Variants in TAFA4 observed in about 807,000 individuals in gnomAD.
The protein encoded by TAFA4 is TAFA chemokine like family member 4.
Under a neutral mutation model 21.1 loss-of-function variants are expected in TAFA4, and 20 were observed. The ratio of observed to expected loss-of-function variants is 0.95; its 90% CI spans 0.67 to 1.38. The LOEUF is 1.38. Among genes scored for constraint, TAFA4 ranks in the 40% most tolerant of loss-of-function variants. The probability of loss-of-function intolerance (pLI) is 0.00; values close to 1 mark genes in which losing one functional copy is unlikely to be tolerated. For synonymous variants in TAFA4, 71 were observed against 67.4 expected, an observed-to-expected ratio of 1.05 and a Z score of -0.26; for missense variants, 211 against 180.9, an observed-to-expected ratio of 1.17 and a Z score of -0.95.
intron 3 of TAFA4, among the ~76,000 whole-genome samples, chr3:68,805,390 C>G (rs1204556967): frequency 1.3e-5 from 2 of 152,164 alleles, no homozygotes; most frequent in African/African-American, 2.4e-5. Flanking sequence ...GTGGAAGTCA[C>G]TGTGGTGATT....
chr3:68,813,284 C>T (rs1225549740), intron 3 of TAFA4, among the ~76,000 whole-genome samples: 1 of 152,112 alleles, frequency 6.6e-6, no homozygotes, highest in African/African-American at 2.4e-5. Context: ...CAAGAGCAAA[C>T]ACATTCAAAA....
At chr3:68,902,739 T>C (rs1364115215) in intron 1 of TAFA4, among the ~76,000 whole-genome samples, 1 of 152,158 alleles carries the variant, frequency 6.6e-6, no homozygotes, top group Non-Finnish European at 1.5e-5. Flanking sequence ...CATGTTTCCC[T>C]TATATGTATA....
intron 1 of TAFA4, among the ~76,000 whole-genome samples, chr3:68,892,777 C>T (rs186661391): frequency 5.3e-5 from 8 of 152,282 alleles, no homozygotes; most frequent in Admixed American, 1.3e-4. Context: ...GGTCAAACCA[C>T]GCATTTCGTT....
intron 3 of TAFA4, among the ~76,000 whole-genome samples, chr3:68,795,661 G>C (rs547877521): frequency 6.6e-6 from 1 of 152,152 alleles, no homozygotes; most frequent in Non-Finnish European, 1.5e-5. Context: ...AAAATCCAGA[G>C]GAAAGTAGAG....
intron 3 of TAFA4, among the ~76,000 whole-genome samples, chr3:68,777,951 A>G (rs1703079293): frequency 6.6e-6 from 1 of 152,150 alleles, no homozygotes; most frequent in African/African-American, 2.4e-5. Flanking sequence ...TAACTATATG[A>G]TATGTGCACA....
chr3:68,858,221 T>C (rs1227212595), intron 3 of TAFA4, among the ~76,000 whole-genome samples: 2 of 152,158 alleles, frequency 1.3e-5, no homozygotes, highest in Non-Finnish European at 2.9e-5. Context: ...GGCTCACTCA[T>C]GAGCAAATGC....
In TAFA4 at chr3:68,841,217, G is replaced by A. The variant is rs1197670617; in HGVS notation, c.130+39513C>T. ...GCGCGCCTGTAGTCCCAGCTACTTG[G>A]GAGGCTGAGGCAGGAGAATGGCGTG... On this transcript the variant is annotated intron_variant, in intron 3 of 5. Coordinates refer to ENST00000295569, the MANE Select transcript of TAFA4 (RefSeq NM_182522.5). Among the ~76,000 whole-genome samples, 2 of 124,220 alleles carry A rather than the reference G, an allele frequency of 1.6e-5. 1 individual carries two copies. The highest frequency in any genetic ancestry group is 3.7e-5 in the Non-Finnish European group (2 of 54,702). The allele number at this position is 124,220 out of a possible 152,430, so 81.5% of individuals were successfully genotyped here.
chr3:68,876,219 CCT>C (rs1330689829), intron 3 of TAFA4, among the ~76,000 whole-genome samples: 8 of 152,044 alleles, frequency 5.3e-5, no homozygotes, highest in African/African-American at 1.9e-4. Flanking sequence ...AAATTAATTT[CCT>C]CTGTTGCCTT....
At chr3:68,764,080 A>C (rs1043204136) in intron 3 of TAFA4, among the ~76,000 whole-genome samples, 2 of 152,158 alleles carry the variant, frequency 1.3e-5, no homozygotes, top group African/African-American at 4.8e-5. Context: ...CTACAAATTC[A>C]TATGTTGAAA....
intron 3 of TAFA4, among the ~76,000 whole-genome samples, chr3:68,866,184 G>A (rs1298532675): frequency 6.6e-6 from 1 of 152,084 alleles, no homozygotes; most frequent in East Asian, 1.9e-4. Flanking sequence ...TGCCAAACTA[G>A]AGTGGTTGTT....
intron 3 of TAFA4, among the ~76,000 whole-genome samples, chr3:68,785,483 C>T (rs370429669): frequency 5.9e-5 from 9 of 152,238 alleles, no homozygotes; most frequent in African/African-American, 9.6e-5. Context: ...AGCTAAGGCC[C>T]GGCGAGAAAT....
In TAFA4 at chr3:68,812,354, G is replaced by A. The variant is rs930476757; in HGVS notation, c.131-59336C>T. Reference sequence around the variant, plus strand: ...AACCTTAAATGTAAGTGGGCTAAATGCTCCAATTAAAAGACACAGACTGGC... The same window carrying A: ...AACCTTAAATGTAAGTGGGCTAAATACTCCAATTAAAAGACACAGACTGGC... On this transcript the variant is annotated intron_variant, in intron 3 of 5. Coordinates refer to ENST00000295569, the MANE Select transcript of TAFA4 (RefSeq NM_182522.5). Among the ~76,000 whole-genome samples, 4 of 152,250 alleles carry A rather than the reference G, an allele frequency of 2.6e-5. No individual in the cohort carries two copies. The East Asian group carries it at 7.7e-4, about 29-fold the overall frequency.
Position 68,764,693 on chromosome 3 carries a change from T to C in TAFA4, c.131-11675A>G, listed in dbSNP as rs1575599880. 2.6e-5 allele frequency among the ~76,000 whole-genome samples: 4 copies of C among 152,310 alleles called. No homozygotes were observed. The South Asian group carries it at 8.3e-4, about 32-fold the overall frequency. ...CTGTACTGGGCACTCCAGTTCCTGT[T>C]TGTCTGGCTCTGGTTTTACTATTGC... On this transcript the variant is annotated intron_variant, in intron 3 of 5. Coordinates refer to ENST00000295569, the MANE Select transcript of TAFA4 (RefSeq NM_182522.5).
chr3:68,882,550 G>A (rs147267590), intron 2 of TAFA4, among the ~76,000 whole-genome samples: 92 of 152,254 alleles, frequency 6.0e-4, no homozygotes, highest in East Asian at 6.0e-3. Flanking sequence ...TTTACATGTG[G>A]CCATTTGAAC....
rs1453914333 is a variant in TAFA4 at position 68,845,142 on chromosome 3, G to A, written c.130+35588C>T. On this transcript the variant is annotated intron_variant, in intron 3 of 5. Transcript: ENST00000295569. ...AGTCTCCCGCTGTTATTGTGTGGGA[G>A]TCTAAGTCTCTTTGTAGGTCTCTAA... 2.6e-5 allele frequency among the ~76,000 whole-genome samples: 4 copies of A among 152,200 alleles called. No homozygotes were observed. The South Asian group carries it at 8.3e-4, about 32-fold the overall frequency.
At chr3:68,925,086 A>G (rs752786566) in intron 1 of TAFA4, among the ~76,000 whole-genome samples, 4 of 152,200 alleles carry the variant, frequency 2.6e-5, no homozygotes, top group Admixed American at 6.5e-5. Context: ...GCAGACCTAG[A>G]CAAAGCAGAC....
intron 3 of TAFA4, among the ~76,000 whole-genome samples, chr3:68,874,370 A>C (rs976336292): frequency 6.6e-6 from 1 of 152,122 alleles, no homozygotes; most frequent in Non-Finnish European, 1.5e-5. Context: ...TCCAAGCAAC[A>C]CCTAGGAAAA....
At chr3:68,758,439 T>G (rs1347907217) in intron 3 of TAFA4, among the ~76,000 whole-genome samples, 7 of 152,112 alleles carry the variant, frequency 4.6e-5, no homozygotes, top group Non-Finnish European at 7.4e-5. Context: ...TCTCATGAGA[T>G]CTGATGGTTT....
At chr3:68,806,195 T>C (rs957424813) in intron 3 of TAFA4, among the ~76,000 whole-genome samples, 1 of 151,940 alleles carries the variant, frequency 6.6e-6, no homozygotes, top group East Asian at 1.9e-4. Context: ...GAAAAAAAAA[T>C]AATACTTTCC....
Sources: allele counts gnomAD v4.1 joint callset (sites outside exome capture counted in the v4.1 genomes callset), GRCh38; gene constraint gnomAD v4.1.1; transcripts MANE v1.5; gene names NCBI Gene and HGNC (gene_info 2026-07-23, HGNC 2026-07-21).